TEX9: variants seen among roughly 807,000 people sequenced by gnomAD.
TEX9 encodes the protein testis expressed 9, also known as testis-expressed protein 9.
In TEX9, 74 loss-of-function variants were observed where a neutral mutation model predicts 59.6. That is an observed-to-expected ratio of 1.24 (90% CI 1.03 to 1.51). TEX9 has a LOEUF of 1.51. Ranked by LOEUF, TEX9 falls within the 40% of genes most tolerant of loss-of-function variation. TEX9 has a pLI of 0.00. For missense variants in TEX9, 522 were observed against 447.8 expected (o/e 1.17, Z -1.49); for synonymous variants, 186 against 152.2 (o/e 1.22, Z -1.64).
chr15:56,305,875 G>A, intron 1 of TEX9, among the ~76,000 whole-genome samples: 1 of 152,086 alleles, frequency 6.6e-6, no homozygotes, highest in East Asian at 1.9e-4. Flanking sequence ...CTATCTATCT[G>A]ACAAGGGATT....
chr15:56,360,539 C>T (rs935486072), upstream of TEX9, among the ~76,000 whole-genome samples: 1 of 152,042 alleles, frequency 6.6e-6, no homozygotes, highest in Admixed American at 6.5e-5. Flanking sequence ...TTTCATGGGA[C>T]AATTGATGAC....
At chr15:56,365,425 C>A (rs1846725941), upstream of TEX9, 1 of 1,606,968 alleles carries the variant, frequency 6.2e-7, no homozygotes, top group Non-Finnish European at 8.5e-7. Flanking sequence ...GTCGTTGCCT[C>A]GGTAACCGCG....
chr15:56,316,251 TC>T (rs1476174841), intron 1 of TEX9, among the ~76,000 whole-genome samples: 2 of 151,556 alleles, frequency 1.3e-5, no homozygotes, highest in Admixed American at 1.3e-4. Flanking sequence ...TTCCAGTTTT[TC>T]TGTTCTGTTT....
At chr15:56,394,640 T>A (rs752540434) in intron 8 of TEX9, 21 bp from the exon 9 acceptor site, 3 of 1,483,778 alleles carry the variant, frequency 2.0e-6, no homozygotes, top group Non-Finnish European at 2.8e-6. Flanking sequence ...TTTCACATAA[T>A]CTATAACTTT....
chr15:56,259,977 T>G (rs1046925900), intron 1 of TEX9, among the ~76,000 whole-genome samples: 4 of 152,112 alleles, frequency 2.6e-5, no homozygotes, highest in Admixed American at 1.3e-4. Context: ...TTTATAAAAT[T>G]TATTCCCAGA....
At chr15:56,331,112 G>T (rs1420552262) in intron 1 of TEX9, among the ~76,000 whole-genome samples, 1 of 152,104 alleles carries the variant, frequency 6.6e-6, no homozygotes, top group Non-Finnish European at 1.5e-5. Context: ...AAACAATTTT[G>T]AATATATGTG....
intron 1 of TEX9, among the ~76,000 whole-genome samples, chr15:56,348,157 G>T (rs2046508301): frequency 6.6e-6 from 1 of 151,988 alleles, no homozygotes; most frequent in South Asian, 2.1e-4. Context: ...TAGAATCTCT[G>T]TATTATTTCT....
the TEX9 span, chr15:56,456,429 C>G: frequency 1.9e-5 from 30 of 1,611,406 alleles, no homozygotes; most frequent in Non-Finnish European, 2.5e-5. Flanking sequence ...TCTTTTCGTC[C>G]TTTAGACTTT....
At chr15:56,338,755 A>G (rs542303787) in intron 1 of TEX9, among the ~76,000 whole-genome samples, 52 of 152,064 alleles carry the variant, frequency 3.4e-4, no homozygotes, top group African/African-American at 1.2e-3. Flanking sequence ...CATCTCTACT[A>G]AAAATACAAA....
intron 9 of TEX9, chr15:56,396,388 A>C (rs903623181): frequency 2.6e-5 from 4 of 152,140 alleles, no homozygotes; most frequent in African/African-American, 9.7e-5. Context: ...TAATATAACT[A>C]TCACTATAAT....
At chr15:56,348,251 C>T (rs796665672) in intron 1 of TEX9, among the ~76,000 whole-genome samples, 29 of 152,052 alleles carry the variant, frequency 1.9e-4, no homozygotes, top group African/African-American at 6.3e-4. Context: ...CTTGCATTGA[C>T]ATCTGTTATG....
chr15:56,319,848 G>A (rs1267705808), intron 1 of TEX9, among the ~76,000 whole-genome samples: 1 of 152,164 alleles, frequency 6.6e-6, no homozygotes, highest in Admixed American at 6.5e-5. Flanking sequence ...AAAGTCAGTG[G>A]TCAGAAGACT....
Position 56,312,720 on chromosome 15 carries a change from G to A in TEX9, c.-106-60721G>A, listed in dbSNP as rs376295118. On this transcript the variant is annotated intron_variant, in intron 1 of 5. Transcript: ENST00000560827. ...GCTTGATGGGGATGGCATTGAATCTGTAAATTACCTTGGGCAGTATGGCCA... is the reference window on the plus strand; with the variant it reads ...GCTTGATGGGGATGGCATTGAATCTATAAATTACCTTGGGCAGTATGGCCA... 2.9e-3 allele frequency among the ~76,000 whole-genome samples: 288 copies of A among 98,122 alleles called. 2 individuals are homozygous for A. Among genetic ancestry groups the A allele is most frequent in the African/African-American group, 1.0e-2 (240 of 24,046 alleles). 64.4% of individuals were successfully genotyped at this position (98,122 alleles called of 152,430 possible).
chr15:56,327,210 A>G (rs1458052940), intron 1 of TEX9, among the ~76,000 whole-genome samples: 2 of 152,198 alleles, frequency 1.3e-5, no homozygotes, highest in African/African-American at 2.4e-5. Context: ...ATTTCAATCA[A>G]TATGAATCTG....
chr15:56,351,789 G>C (rs1453393195), intron 1 of TEX9, among the ~76,000 whole-genome samples: 1 of 152,166 alleles, frequency 6.6e-6, no homozygotes, highest in Non-Finnish European at 1.5e-5. Context: ...ATGTGAAAGA[G>C]AAAACTTCTT....
intron 1 of TEX9, among the ~76,000 whole-genome samples, chr15:56,328,277 T>C (rs1443398835): frequency 4.6e-5 from 7 of 152,128 alleles, no homozygotes; most frequent in African/African-American, 1.7e-4. Context: ...CACTTGTTCC[T>C]GGCAGGACTC....
intron 1 of TEX9, among the ~76,000 whole-genome samples, chr15:56,267,002 T>C (rs1478572171): frequency 1.3e-5 from 2 of 152,212 alleles, no homozygotes; most frequent in Non-Finnish European, 2.9e-5. Flanking sequence ...TTCCTGACTT[T>C]TTAATGATTG....
chr15:56,386,036 G>A (rs2047946256), intron 4 of TEX9, among the ~76,000 whole-genome samples: 1 of 151,852 alleles, frequency 6.6e-6, no homozygotes, highest in Admixed American at 6.6e-5. Flanking sequence ...ACCAAAACCT[G>A]GAAATAATTA....
Position 56,420,454 on chromosome 15 carries a change from C to T in TEX9, c.964-7151C>T, listed in dbSNP as rs187548029. On this transcript the variant is annotated intron_variant, in intron 10 of 12. Transcript: ENST00000352903. Reference sequence around the variant, plus strand: ...TCCTGAGTAGCTGGGATTACAGGCCCCCGCCACCATGCTCGGCTAATTTTT... The same window carrying T: ...TCCTGAGTAGCTGGGATTACAGGCCTCCGCCACCATGCTCGGCTAATTTTT... Among the ~76,000 whole-genome samples, 13 of 151,650 alleles carry T rather than the reference C, an allele frequency of 8.6e-5. No individual in the cohort carries two copies. The East Asian group carries it at 2.3e-3, about 27-fold the overall frequency.
Sources: gnomAD v4.1 joint callset for allele counts (sites outside exome capture counted in the v4.1 genomes callset) on GRCh38, gnomAD v4.1.1 for gene constraint, MANE v1.5 for transcripts, NCBI Gene and HGNC (gene_info 2026-07-23, HGNC 2026-07-21) for gene names.